The following CHEK1 variants were observed in gnomAD, a reference collection of about 807,000 sequenced individuals.
CHEK1 encodes the protein checkpoint kinase 1.
Under a neutral mutation model 60.2 loss-of-function variants are expected in CHEK1, and 32 were observed. The ratio of observed to expected loss-of-function variants is 0.53; its 90% confidence interval spans 0.40 to 0.71. The LOEUF (loss-of-function observed/expected upper bound fraction) is 0.71, where lower values mean the gene tolerates loss of function less well. CHEK1 is among the 30% of genes least tolerant of loss of function. The pLI is 0.00. For synonymous variants in CHEK1, 179 were observed against 187.2 expected (o/e 0.96, Z 0.36); for missense variants, 399 against 564.6 (o/e 0.71, Z 2.97).
At chr11:125,657,945 G>A (rs1941949781), downstream of CHEK1, among the ~76,000 whole-genome samples, 1 of 152,150 alleles carries the variant, frequency 6.6e-6, no homozygotes, top group Non-Finnish European at 1.5e-5. Context: ...TACAGTTACT[G>A]GAAAAACAGT....
chr11:125,637,947 C>T (rs557399484), intron 8 of CHEK1, among the ~76,000 whole-genome samples: 80 of 152,294 alleles, frequency 5.3e-4, no homozygotes, highest in Non-Finnish European at 9.8e-4. Flanking sequence ...TGGCACAAGC[C>T]GTGTCTGTTG....
intron 8 of CHEK1, among the ~76,000 whole-genome samples, chr11:125,641,790 C>CT (rs34950755): frequency 0.17 from 25,463 of 147,054 alleles, 2,271 homozygotes; most frequent in East Asian, 0.3. Flanking sequence ...ATCTGATTAC[C>CT]TTTTTTTTTT....
chr11:125,648,340 T>G (rs1307278845), intron 11 of CHEK1, among the ~76,000 whole-genome samples: 3 of 152,132 alleles, frequency 2.0e-5, no homozygotes, highest in Non-Finnish European at 4.4e-5. Flanking sequence ...CCCAGCACTT[T>G]GGGAGGCCGT....
chr11:125,646,310 C>T (rs1301767114), intron 11 of CHEK1, among the ~76,000 whole-genome samples: 1 of 151,972 alleles, frequency 6.6e-6, no homozygotes. Flanking sequence ...TACTTTATTC[C>T]TTTTTATGGC....
chr11:125,664,450 G>A (rs1942066526), intron 13 of CHEK1, among the ~76,000 whole-genome samples: 1 of 151,996 alleles, frequency 6.6e-6, no homozygotes, highest in South Asian at 2.1e-4. Flanking sequence ...GACCAGGCTG[G>A]TCTCGAACTC....
intron 11 of CHEK1, among the ~76,000 whole-genome samples, chr11:125,652,327 C>A (rs1941766436): frequency 6.6e-6 from 1 of 152,130 alleles, no homozygotes; most frequent in African/African-American, 2.4e-5. Context: ...TCTTTCCATG[C>A]CATAGGAACG....
In CHEK1 at chr11:125,653,918, T is replaced by C; in HGVS notation, c.1335+71T>C. The C allele has an allele frequency of 1.2e-6, 1 of 859,766 alleles. No individual in the cohort carries two copies. Among genetic ancestry groups the C allele is most frequent in the Admixed American group, 2.6e-5 (1 of 37,976 alleles). 53.3% of individuals were successfully genotyped at this position (859,766 alleles called of 1,614,324 possible). A position where few individuals can be genotyped will look rare whatever the true frequency, so the allele number is the denominator to read the frequency against. On this transcript the variant is annotated intron_variant, in intron 12 of 12. Transcript: ENST00000438015. The surrounding 1 kb of genome is among the most constrained non-coding windows in gnomAD (Gnocchi z 4.3). ...ATGAATTTTTTTAATGGCATTATGT[T>C]TGTATATATGTGGCATTTGTAAATA...
At chr11:125,643,008 T>C (rs1347665327) in intron 8 of CHEK1, 2 of 152,194 alleles carry the variant, frequency 1.3e-5, no homozygotes, top group Non-Finnish European at 2.9e-5. Flanking sequence ...TCATTTTCCA[T>C]ATAATATTCT....
rs952281786 is a variant in CHEK1 at position 125,656,183 on chromosome 11, G to A, written c.*863G>A. 1 of 209,180 alleles carries A rather than the reference G, an allele frequency of 4.8e-6. No individual in the cohort carries two copies. Among genetic ancestry groups the A allele is most frequent in the Non-Finnish European group, 9.7e-6 (1 of 102,848 alleles). 13.0% of individuals were successfully genotyped at this position (209,180 alleles called of 1,614,324 possible). A position where few individuals can be genotyped will look rare whatever the true frequency, so the allele number is the denominator to read the frequency against. On this transcript the variant is annotated 3_prime_UTR_variant, in exon 13 of 13. Transcript: ENST00000438015. ...AAAGTTTGTTTTTCTAATAAAATTT[G>A]TATCAACTTTGGGGCATATTAGGTT...
chr11:125,667,009 T>C (rs1282730138), intron 13 of CHEK1, among the ~76,000 whole-genome samples: 1 of 152,006 alleles, frequency 6.6e-6, no homozygotes, highest in African/African-American at 2.4e-5. Flanking sequence ...AAGAAAAATT[T>C]ACCTTTGTTA....
intron 11 of CHEK1, among the ~76,000 whole-genome samples, chr11:125,650,458 G>T (rs1785805): frequency 3.7e-4 from 48 of 130,706 alleles, no homozygotes; most frequent in Non-Finnish European, 4.8e-4. Flanking sequence ...AGTGGTGTTT[G>T]TTTTTTTTTT....
intron 13 of CHEK1, among the ~76,000 whole-genome samples, chr11:125,668,305 A>AG (rs1439051906): frequency 2.0e-5 from 3 of 152,164 alleles, no homozygotes; most frequent in African/African-American, 7.2e-5. Context: ...TTGATACTTT[A>AG]GAAAAATACA....
intron 13 of CHEK1, among the ~76,000 whole-genome samples, chr11:125,674,391 G>C (rs1309506189): frequency 2.0e-5 from 3 of 152,192 alleles, no homozygotes; most frequent in African/African-American, 7.2e-5. Flanking sequence ...AGAATTGTTA[G>C]CATTTCGATT....
chr11:125,655,746 C>T lies in CHEK1; in HGVS notation c.*426C>T, dbSNP rs1941884756. ...ACCAATAAAGACATAATTCTTGTGA[C>T]TTTTGGACAGTAGATTTATCAGTCT... On this transcript the variant is annotated 3_prime_UTR_variant, in exon 13 of 13. Coordinates refer to ENST00000438015, the MANE Select transcript of CHEK1 (RefSeq NM_001114122.3). The T allele has an allele frequency of 4.6e-6, 1 of 217,672 alleles. No individual in the cohort carries two copies. The highest frequency in any genetic ancestry group is 6.9e-5 in the East Asian group (1 of 14,596). 13.5% of individuals were successfully genotyped at this position (217,672 alleles called of 1,614,324 possible).
In CHEK1 at chr11:125,625,716, AC is replaced by A. The variant is rs963691604; in HGVS notation, c.-315del. 2.6e-5 allele frequency: 17 copies of A among 650,632 alleles called. 1 individual carries two copies. The African/African-American group carries it at 3.0e-4, about 12-fold the overall frequency. 40.3% of individuals were successfully genotyped at this position (650,632 alleles called of 1,614,324 possible). A position where few individuals can be genotyped will look rare whatever the true frequency, so the allele number is the denominator to read the frequency against. ...CGAGCACCGCCCAGTCGAGCCTCAC[AC>A]CGGATGCCACTTCATATTTGGGCCC... On this transcript the variant is annotated 5_prime_UTR_variant, in exon 1 of 13. Coordinates refer to ENST00000438015, the MANE Select transcript of CHEK1 (RefSeq NM_001114122.3).
rs1326327794 is a variant in CHEK1, at chr11:125,671,412, TATAAGTTCAAA to T, written c.*28-4511_*28-4501del. ...ATACTATTTTATCTAGGGGTATGAGTATAAGTTCAAAATAATTTTCCTTCAGAAGTTTGAAG... is the reference window on the plus strand; with the variant it reads ...ATACTATTTTATCTAGGGGTATGAGTATAATTTTCCTTCAGAAGTTTGAAG... On this transcript the variant is annotated intron_variant, in intron 13 of 13. Coordinates refer to the CHEK1 transcript ENST00000428830. The T allele has an allele frequency of 3.1e-4, 47 of 152,298 alleles. 3 individuals are homozygous for T. Among genetic ancestry groups the T allele is most frequent in the African/African-American group, 9.9e-4 (41 of 41,566 alleles). The allele number at this position is 152,298 out of a possible 1,614,324, so 9.4% of individuals were successfully genotyped here. A position where few individuals can be genotyped will look rare whatever the true frequency, so the allele number is the denominator to read the frequency against.
downstream of CHEK1, among the ~76,000 whole-genome samples, chr11:125,657,306 T>A (rs1006022967): frequency 2.0e-5 from 3 of 151,774 alleles, no homozygotes; most frequent in Non-Finnish European, 4.4e-5. Flanking sequence ...TGTGTGTGGT[T>A]GTTGAGATAA....
In CHEK1 at chr11:125,644,653, A is replaced by G; in HGVS notation, c.1233+10A>G. The G allele has an allele frequency of 6.2e-7, 1 of 1,609,962 alleles. No homozygotes were observed. Among genetic ancestry groups the G allele is most frequent in the South Asian group, 1.1e-5 (1 of 90,196 alleles). On this transcript the variant is annotated intron_variant, in intron 11 of 12. Coordinates refer to ENST00000438015, the MANE Select transcript of CHEK1 (RefSeq NM_001114122.3). ...AAGTTGTATGAATCAGGTGTGTTTC[A>G]TTGATTTTCATTATACCTTTTCCTG...
At chr11:125,678,391 C>T (rs1230855561), downstream of CHEK1, 11 of 1,436,076 alleles carry the variant, frequency 7.7e-6, no homozygotes, top group East Asian at 1.8e-4. Flanking sequence ...TTATGAGACT[C>T]CTAGGTTTCC....
Sources: allele counts gnomAD v4.1 joint callset (sites outside exome capture counted in the v4.1 genomes callset), GRCh38; gene constraint gnomAD v4.1.1; non-coding constraint Gnocchi (gnomAD v3.1); transcripts MANE v1.5; gene names NCBI Gene and HGNC (gene_info 2026-07-23, HGNC 2026-07-21).